Variants in RNPS1 observed in about 807,000 individuals in gnomAD.
RNPS1 encodes the protein RNA binding protein with serine rich domain 1.
For missense variants in RNPS1, 300 were observed against 427.6 expected (o/e 0.70, Z 2.63); for synonymous variants, 147 against 150.0 (o/e 0.98, Z 0.15).
intron 1 of RNPS1, chr16:2,266,441 T>A: frequency 1.0e-6 from 1 of 976,184 alleles, no homozygotes; most frequent in African/African-American, 1.8e-5. Flanking sequence ...AGGGCCTGGG[T>A]TTGATTTGAG....
intron 6 of RNPS1, chr16:2,255,944 G>C: frequency 1.8e-6 from 1 of 544,482 alleles, no homozygotes; most frequent in Non-Finnish European, 3.3e-6. Context: ...TGGCTAACAT[G>C]GTGAAAATGT....
At chr16:2,256,987 G>A (rs1014631963) in intron 6 of RNPS1, 3 of 152,226 alleles carry the variant, frequency 2.0e-5, no homozygotes, top group South Asian at 2.1e-4. Flanking sequence ...GTGGGGCTGC[G>A]GTGGGAAGCT....
intron 7 of RNPS1, 94 bp downstream of exon 7, chr16:2,255,491 G>T (rs2093573939): frequency 1.4e-6 from 2 of 1,416,070 alleles, no homozygotes; most frequent in African/African-American, 1.4e-5. Flanking sequence ...CACAGCAGTG[G>T]AAGGCAGGCA....
chr16:2,267,133 C>A, intron 1 of RNPS1: 2 of 942,456 alleles, frequency 2.1e-6, no homozygotes, highest in Non-Finnish European at 2.5e-6. Flanking sequence ...TTGCTGGGTG[C>A]GGTCGAGTGC....
chr16:2,254,222 G>A (rs2093566133), intron 7 of RNPS1, among the ~76,000 whole-genome samples, 159 bp from the exon 8 acceptor site: 1 of 152,202 alleles, frequency 6.6e-6, no homozygotes, highest in South Asian at 2.1e-4. Flanking sequence ...TGCAACCTCT[G>A]CCTCCAGGGT....
chr16:2,256,092 T>C (rs1165215309), intron 6 of RNPS1: 3 of 207,146 alleles, frequency 1.4e-5, no homozygotes, highest in Admixed American at 5.4e-5. Context: ...GCCACTACAC[T>C]CCAGCCTGGG....
At chr16:2,267,479 C>G in intron 1 of RNPS1, 21 of 984,018 alleles carry the variant, frequency 2.1e-5, no homozygotes, top group Non-Finnish European at 2.5e-5. Context: ...GGGCCGTATC[C>G]CCACGGCCTA....
intron 6 of RNPS1, among the ~76,000 whole-genome samples, chr16:2,259,303 A>G (rs574332313): frequency 2.0e-5 from 3 of 152,188 alleles, no homozygotes; most frequent in Admixed American, 6.5e-5. Flanking sequence ...AAATCACGTA[A>G]AACTCCTACA....
Position 2,264,620 on chromosome 16 carries a change from C to T in RNPS1, c.24G>A (p.Lys8=). MDLSGVK[K]KSLLGVKENN... ...TTTCTTTGACTCCTAGCAAGCTCTT[C>T]TTTTTCACTCCTGATAAATCCATTC... Residue 8 remains lysine, a synonymous_variant, in exon 2 of 8, where the codon AAG becomes AAA. Transcript: ENST00000320225. 6.2e-7 allele frequency: 1 copy of T among 1,613,192 alleles called. No individual in the cohort carries two copies. The highest frequency in any genetic ancestry group is 8.5e-7 in the Non-Finnish European group (1 of 1,179,856).
rs2093564077 is a variant in RNPS1 at position 2,253,947 on chromosome 16, G to C, written c.*17C>G. On this transcript the variant is annotated 3_prime_UTR_variant, in exon 8 of 8. Transcript: ENST00000320225. ...GGTGGGGTATAAGTTACAGGGGCGA[G>C]AGCTTCAGTGGCCTGTTTATCGGGA... The C allele has an allele frequency of 1.3e-6, 2 of 1,551,646 alleles. No homozygotes were observed. Among genetic ancestry groups the C allele is most frequent in the African/African-American group, 1.4e-5 (1 of 73,210 alleles).
intron 1 of RNPS1, chr16:2,266,657 C>T: frequency 1.0e-6 from 1 of 985,444 alleles, no homozygotes; most frequent in Admixed American, 6.1e-5. Flanking sequence ...AATTTCTGAA[C>T]TCTCAGCTGG....
intron 1 of RNPS1, 97 bp downstream of exon 1, chr16:2,267,958 G>A: frequency 6.5e-7 from 1 of 1,532,158 alleles, no homozygotes; most frequent in South Asian, 1.2e-5. Context: ...CCGCCGCACT[G>A]CGGGGCTGAG....
intron 7 of RNPS1, among the ~76,000 whole-genome samples, chr16:2,254,579 G>A (rs928246837): frequency 6.8e-6 from 1 of 147,298 alleles, no homozygotes; most frequent in African/African-American, 2.5e-5. Context: ...TTACAGGCGT[G>A]AGCCACCATG....
At chr16:2,266,667 G>C (rs143071467) in intron 1 of RNPS1, 1 of 985,226 alleles carries the variant, frequency 1.0e-6, no homozygotes, top group African/African-American at 1.7e-5. Context: ...CTCTCAGCTG[G>C]GTTCCTGCAC....
chr16:2,267,897 G>A (rs1162165322), intron 1 of RNPS1, 158 bp downstream of exon 1: 6 of 1,530,010 alleles, frequency 3.9e-6, no homozygotes, highest in African/African-American at 2.8e-5. Flanking sequence ...CACTCCGCCC[G>A]CCCCGGGCCA....
chr16:2,261,305 A>G (rs1280155729), intron 6 of RNPS1, among the ~76,000 whole-genome samples: 3 of 152,130 alleles, frequency 2.0e-5, no homozygotes, highest in Non-Finnish European at 4.4e-5. Flanking sequence ...ACCTACTTCT[A>G]TGTGTGGCTG....
chr16:2,267,844 G>A, intron 1 of RNPS1: 3 of 1,505,244 alleles, frequency 2.0e-6, no homozygotes, highest in Non-Finnish European at 2.6e-6. Flanking sequence ...CCTTCCGTCC[G>A]CAGCGGCCCC....
At chr16:2,258,891 G>A (rs955041900) in intron 6 of RNPS1, 1 of 152,120 alleles carries the variant, frequency 6.6e-6, no homozygotes, top group Non-Finnish European at 1.5e-5. Flanking sequence ...GGGAGGCCAA[G>A]GCGGGTGGAT....
Position 2,264,060 on chromosome 16 carries a change from AAC to A in RNPS1, c.227+114_227+115del, listed in dbSNP as rs1442669432. ...TCTGCCATAAATTAGGGTCTCTACT[AAC>A]AATCAGAGGATGTGTTTTCTTTGTA... On this transcript the variant is annotated intron_variant, in intron 3 of 7. Coordinates refer to ENST00000320225, the MANE Select transcript of RNPS1 (RefSeq NM_080594.4). 4 of 1,288,874 alleles carry A rather than the reference AAC, an allele frequency of 3.1e-6. No individual in the cohort carries two copies. The African/African-American group carries it at 5.9e-5, about 19-fold the overall frequency. 79.8% of individuals were successfully genotyped at this position (1,288,874 alleles called of 1,614,324 possible).
Sources: gnomAD v4.1 joint callset for allele counts (sites outside exome capture counted in the v4.1 genomes callset) on GRCh38, gnomAD v4.1.1 for gene constraint, MANE v1.5 for transcripts, NCBI Gene and HGNC (gene_info 2026-07-23, HGNC 2026-07-21) for gene names.